The following HS3ST4 variants were observed in gnomAD, a reference collection of about 807,000 sequenced individuals.
HS3ST4 encodes the protein heparan sulfate glucosamine 3-O-sulfotransferase 4.
A neutral mutation model predicts 29.2 loss-of-function variants in HS3ST4; 17 were observed. The observed-to-expected ratio is 0.58, with a 90% CI of 0.40 to 0.87. The LOEUF (loss-of-function observed/expected upper bound fraction) is 0.87. HS3ST4 is among the 40% of genes least tolerant of loss of function. The pLI is 0.00. For missense variants in HS3ST4, 627 were observed against 634.5 expected (o/e 0.99, Z 0.13); for synonymous variants, 314 against 285.7 (o/e 1.10, Z -1.00).
chr16:25,731,069 A>G (rs1966567230), intron 1 of HS3ST4, among the ~76,000 whole-genome samples: 1 of 152,094 alleles, frequency 6.6e-6, no homozygotes, highest in South Asian at 2.1e-4. Context: ...CAGCAACAAG[A>G]TGTGAGAACA....
chr16:26,052,396 A>G (rs1898358289), intron 1 of HS3ST4, among the ~76,000 whole-genome samples: 1 of 152,222 alleles, frequency 6.6e-6, no homozygotes, highest in South Asian at 2.1e-4. Context: ...TTTGCAACAG[A>G]GTCTCATTCT....
At position 25,701,407 on chromosome 16, in the gene HS3ST4, C is replaced by T. The variant is rs557237322; in HGVS notation, c.734+8256C>T. Among the ~76,000 whole-genome samples the T allele has an allele frequency of 7.2e-5, 11 of 152,116 alleles. No homozygotes were observed. In the East Asian group the frequency reaches 9.7e-4, roughly 13 times the overall value. Reference sequence around the variant, plus strand: ...GAGAAGCAGGGTTCTCTATTCTTTACGGGGAAACTGTTCCATGTAATTTCC... The same window carrying T: ...GAGAAGCAGGGTTCTCTATTCTTTATGGGGAAACTGTTCCATGTAATTTCC... On this transcript the variant is annotated intron_variant, in intron 1 of 1. Coordinates refer to ENST00000331351, the MANE Select transcript of HS3ST4 (RefSeq NM_006040.3).
At chr16:26,066,978 G>A (rs779389844) in intron 1 of HS3ST4, among the ~76,000 whole-genome samples, 8 of 152,196 alleles carry the variant, frequency 5.3e-5, no homozygotes, top group Non-Finnish European at 8.8e-5. Flanking sequence ...CAGGACTGCA[G>A]ATACAGATAA....
At chr16:26,072,889 G>A (rs1376314071) in intron 1 of HS3ST4, among the ~76,000 whole-genome samples, 2 of 152,130 alleles carry the variant, frequency 1.3e-5, no homozygotes, top group African/African-American at 4.8e-5. Context: ...CTGACGACTT[G>A]TTCATGTTGA....
chr16:25,810,185 T>C (rs1461176244), intron 1 of HS3ST4, among the ~76,000 whole-genome samples: 1 of 152,140 alleles, frequency 6.6e-6, no homozygotes, highest in Non-Finnish European at 1.5e-5. Context: ...TATTTAGTCC[T>C]CTATATTTTT....
At chr16:25,857,020 C>T (rs1967579934) in intron 1 of HS3ST4, among the ~76,000 whole-genome samples, 1 of 152,090 alleles carries the variant, frequency 6.6e-6, no homozygotes, top group South Asian at 2.1e-4. Context: ...TGGACTTGAC[C>T]TGTTGGGTCT....
intron 1 of HS3ST4, among the ~76,000 whole-genome samples, chr16:26,115,351 G>T (rs890009504): frequency 6.6e-6 from 1 of 151,522 alleles, no homozygotes; most frequent in Non-Finnish European, 1.5e-5. Flanking sequence ...TTTTTCCTTT[G>T]GGTAGCATAG....
At chr16:25,888,794 A>C (rs1967979508) in intron 1 of HS3ST4, among the ~76,000 whole-genome samples, 2 of 152,162 alleles carry the variant, frequency 1.3e-5, no homozygotes, top group African/African-American at 2.4e-5. Context: ...AACAACAACA[A>C]AACAACAACA....
intron 1 of HS3ST4, among the ~76,000 whole-genome samples, chr16:26,055,962 G>A (rs550871492): frequency 6.6e-6 from 1 of 151,932 alleles, no homozygotes; most frequent in South Asian, 2.1e-4. Context: ...AATCTCCTCA[G>A]GGTATAAACA....
At chr16:25,887,474 A>G (rs866862791) in intron 1 of HS3ST4, among the ~76,000 whole-genome samples, 1 of 152,120 alleles carries the variant, frequency 6.6e-6, no homozygotes, top group Non-Finnish European at 1.5e-5. Context: ...GGTTGTCTAC[A>G]GGGAGATATT....
chr16:26,070,148 G>T (rs930532511), intron 1 of HS3ST4, among the ~76,000 whole-genome samples: 5 of 152,072 alleles, frequency 3.3e-5, no homozygotes, highest in African/African-American at 7.2e-5. Context: ...TTCCACAATG[G>T]TTGAACTAGT....
chr16:25,822,516 G>A (rs1431304629), intron 1 of HS3ST4, among the ~76,000 whole-genome samples: 1 of 152,138 alleles, frequency 6.6e-6, no homozygotes, highest in Non-Finnish European at 1.5e-5. Context: ...TCTTGGCCTT[G>A]TGATGATACA....
At position 25,814,519 on chromosome 16, in the gene HS3ST4, CTA is replaced by C. The variant is rs572622135; in HGVS notation, c.734+121370_734+121371del. On this transcript the variant is annotated intron_variant, in intron 1 of 1. Coordinates refer to ENST00000331351, the MANE Select transcript of HS3ST4 (RefSeq NM_006040.3). ...ACACCACCATGCCCAGCTAATTTTT[CTA>C]TCTTTAGTAGAGACGGAGTTTCACC... is the stretch of plus-strand genomic sequence containing the variant. Among the ~76,000 whole-genome samples, 799 of 152,064 alleles carry C rather than the reference CTA, an allele frequency of 5.3e-3. 6 individuals carry two copies. The highest frequency in any genetic ancestry group is 0.018 in the African/African-American group (760 of 41,474).
intron 1 of HS3ST4, among the ~76,000 whole-genome samples, chr16:25,829,894 G>A (rs1034181348): frequency 2.6e-5 from 4 of 152,120 alleles, no homozygotes; most frequent in Admixed American, 2.0e-4. Context: ...TGCAATCTCA[G>A]CTTAATGGAA....
At chr16:26,031,367 G>A (rs1290919172) in intron 1 of HS3ST4, among the ~76,000 whole-genome samples, 3 of 152,166 alleles carry the variant, frequency 2.0e-5, no homozygotes, top group Non-Finnish European at 4.4e-5. Context: ...CCTGTGGGCC[G>A]GGACGAGGCT....
At chr16:26,045,831 C>G (rs1426382617) in intron 1 of HS3ST4, among the ~76,000 whole-genome samples, 2 of 152,168 alleles carry the variant, frequency 1.3e-5, no homozygotes, top group African/African-American at 2.4e-5. Flanking sequence ...CTGACCTTTT[C>G]CTTGACCACA....
intron 1 of HS3ST4, among the ~76,000 whole-genome samples, chr16:26,006,194 G>T (rs910249995): frequency 6.7e-6 from 1 of 149,626 alleles, no homozygotes; most frequent in Non-Finnish European, 1.5e-5. Context: ...AGCTACTTGG[G>T]AGGCTGAGGC....
At chr16:25,789,983 A>G (rs1966865278) in intron 1 of HS3ST4, among the ~76,000 whole-genome samples, 1 of 152,218 alleles carries the variant, frequency 6.6e-6, no homozygotes, top group Non-Finnish European at 1.5e-5. Context: ...AATGCTTAGA[A>G]TGCTTCTAGG....
chr16:25,977,437 T>G (rs753112545), intron 1 of HS3ST4, among the ~76,000 whole-genome samples: 7 of 152,178 alleles, frequency 4.6e-5, no homozygotes, highest in Non-Finnish European at 8.8e-5. Context: ...CACACCTATG[T>G]CTTAATTCTT....
Sources: gnomAD v4.1 joint callset for allele counts (sites outside exome capture counted in the v4.1 genomes callset) on GRCh38, gnomAD v4.1.1 for gene constraint, MANE v1.5 for transcripts, NCBI Gene and HGNC (gene_info 2026-07-23, HGNC 2026-07-21) for gene names.